ZNF804A: variants seen among roughly 807,000 people sequenced by gnomAD.
ZNF804A encodes zinc finger protein 804A.
In ZNF804A, 2 loss-of-function variants were observed where a neutral mutation model predicts 16.5. The observed-to-expected ratio is 0.12, with a 90% CI of 0.05 to 0.38. ZNF804A has a LOEUF of 0.38. Among genes scored for constraint, ZNF804A ranks in the 10% least tolerant of loss-of-function variants. The pLI is 0.99. For synonymous variants in ZNF804A, 534 were observed against 489.6 expected, an observed-to-expected ratio of 1.09 and a Z score of -1.20; for missense variants, 1,473 against 1,390.7, an observed-to-expected ratio of 1.06 and a Z score of -0.94.
At chr2:184,914,354 CTA>C (rs1685413833) in intron 2 of ZNF804A, among the ~76,000 whole-genome samples, 1 of 152,094 alleles carries the variant, frequency 6.6e-6, no homozygotes, top group Admixed American at 6.6e-5. Flanking sequence ...CCCTCAAGAA[CTA>C]ATACATGTTG....
chr2:184,903,543 T>C (rs1264706957), intron 2 of ZNF804A, among the ~76,000 whole-genome samples: 2 of 152,110 alleles, frequency 1.3e-5, no homozygotes, highest in African/African-American at 4.8e-5. Context: ...AGTGACAAAA[T>C]CACCTAACAA....
intron 1 of ZNF804A, among the ~76,000 whole-genome samples, chr2:184,709,074 T>C (rs1197675229): frequency 6.6e-6 from 1 of 152,174 alleles, no homozygotes; most frequent in Non-Finnish European, 1.5e-5. Flanking sequence ...ATTACTTCAG[T>C]GATTCTACCT....
chr2:184,687,789 C>A (rs1479100953), intron 1 of ZNF804A, among the ~76,000 whole-genome samples: 1 of 151,952 alleles, frequency 6.6e-6, no homozygotes, highest in East Asian at 1.9e-4. Flanking sequence ...GTATATTTTA[C>A]CACAATAAAA....
chr2:184,608,214 G>A lies in ZNF804A; in HGVS notation c.111+9144G>A, dbSNP rs998157782. ...CCCGCCTCGGCTTCCCAAAGTGCTG[G>A]GATTACAGGCGTGAGCCACCGCGCC... On this transcript the variant is annotated intron_variant, in intron 1 of 3. Transcript: ENST00000302277. Among the ~76,000 whole-genome samples the A allele has an allele frequency of 4.6e-5, 7 of 152,024 alleles. No homozygotes were observed. In the East Asian group the frequency reaches 1.4e-3, roughly 29 times the overall value.
At chr2:184,857,657 C>T (rs1404035346) in intron 1 of ZNF804A, among the ~76,000 whole-genome samples, 5 of 152,114 alleles carry the variant, frequency 3.3e-5, no homozygotes, top group African/African-American at 1.2e-4. Flanking sequence ...TTACACACTA[C>T]AATATTTATA....
At chr2:184,796,771 A>C (rs72621839) in intron 1 of ZNF804A, among the ~76,000 whole-genome samples, 3 of 152,118 alleles carry the variant, frequency 2.0e-5, no homozygotes, top group African/African-American at 7.2e-5. Flanking sequence ...TAGGGCTATG[A>C]ACTTTCCCCT....
chr2:184,709,422 A>G (rs959894718), intron 1 of ZNF804A, among the ~76,000 whole-genome samples: 5 of 152,050 alleles, frequency 3.3e-5, no homozygotes, highest in Non-Finnish European at 7.4e-5. Context: ...TATCTATCTA[A>G]TACTTCTGAT....
At chr2:184,636,532 T>G (rs1385465192) in intron 1 of ZNF804A, among the ~76,000 whole-genome samples, 1 of 130,154 alleles carries the variant, frequency 7.7e-6, no homozygotes, top group Non-Finnish European at 1.6e-5. Flanking sequence ...ACAAAGCATG[T>G]GAGATTGGCT....
intron 2 of ZNF804A, among the ~76,000 whole-genome samples, chr2:184,874,005 A>G (rs1696014994): frequency 1.3e-5 from 2 of 152,208 alleles, no homozygotes; most frequent in Non-Finnish European, 2.9e-5. Context: ...TAATTAGGAT[A>G]TAATCACAAA....
At chr2:184,607,858 C>G (rs1364529039) in intron 1 of ZNF804A, among the ~76,000 whole-genome samples, 2 of 149,334 alleles carry the variant, frequency 1.3e-5, no homozygotes, top group East Asian at 2.0e-4. Flanking sequence ...GGACACAACT[C>G]TAGTTGAACC....
Position 184,938,999 on chromosome 2 carries a change from T to G in ZNF804A, c.3603T>G (p.Thr1201=). 3.7e-6 allele frequency: 6 copies of G among 1,613,918 alleles called. No individual in the cohort carries two copies. The highest frequency in any genetic ancestry group is 5.1e-6 in the Non-Finnish European group (6 of 1,179,892). Residue 1201 remains threonine (T), a synonymous_variant, in exon 4 of 4, where the codon ACT becomes ACG. Coordinates refer to ENST00000302277, the MANE Select transcript of ZNF804A (RefSeq NM_194250.2). The part of the protein sequence containing the change: ...LFPSLLSPHP[T]VIPLQPLF ...CTTCACTGCTTTCCCCACACCCTACTGTCATCCCTTTGCAACCTCTCTTCT... is the reference window on the plus strand; with the variant it reads ...CTTCACTGCTTTCCCCACACCCTACGGTCATCCCTTTGCAACCTCTCTTCT...
chr2:184,778,303 A>G (rs563929164), intron 1 of ZNF804A, among the ~76,000 whole-genome samples: 46 of 151,776 alleles, frequency 3.0e-4, no homozygotes, highest in African/African-American at 9.9e-4. Flanking sequence ...GATCCTGGGC[A>G]TAGAAAATTT....
chr2:184,780,633 G>C (rs1558959612), intron 1 of ZNF804A, among the ~76,000 whole-genome samples: 1 of 151,740 alleles, frequency 6.6e-6, no homozygotes, highest in Non-Finnish European at 1.5e-5. Flanking sequence ...AAACTCTGGG[G>C]CAAGGTTTTT....
intron 2 of ZNF804A, among the ~76,000 whole-genome samples, chr2:184,880,966 A>T (rs1684801355): frequency 6.6e-6 from 1 of 152,256 alleles, no homozygotes; most frequent in South Asian, 2.1e-4. Flanking sequence ...AAGAATGAAG[A>T]TCATCGACAT....
intron 1 of ZNF804A, among the ~76,000 whole-genome samples, chr2:184,645,988 T>C (rs181351751): frequency 6.6e-6 from 1 of 152,234 alleles, no homozygotes; most frequent in Admixed American, 6.5e-5. Flanking sequence ...TTTTCTCAAG[T>C]CCTGGAGTGA....
intron 1 of ZNF804A, among the ~76,000 whole-genome samples, chr2:184,693,151 A>G (rs1692761528): frequency 6.6e-6 from 1 of 152,172 alleles, no homozygotes; most frequent in Non-Finnish European, 1.5e-5. Flanking sequence ...AAACCTGTGT[A>G]CTAAAATGCA....
intron 1 of ZNF804A, among the ~76,000 whole-genome samples, chr2:184,858,453 G>A (rs1367424259): frequency 3.3e-5 from 5 of 149,512 alleles, no homozygotes; most frequent in African/African-American, 7.4e-5. Flanking sequence ...GCAGTGAGCC[G>A]AGATCGCGCC....
chr2:184,935,692 A>G, intron 3 of ZNF804A, 91 bp from the exon 4 acceptor site: 1 of 1,405,380 alleles, frequency 7.1e-7, no homozygotes, highest in Non-Finnish European at 9.4e-7. Context: ...TTGAAAAAAT[A>G]TTATAATGAC....
chr2:184,763,496 C>A (rs1023383237), intron 1 of ZNF804A, among the ~76,000 whole-genome samples: 1 of 151,794 alleles, frequency 6.6e-6, no homozygotes, highest in Non-Finnish European at 1.5e-5. Flanking sequence ...CTTTCCAAAC[C>A]ATCTCAAGTT....
Sources: allele counts gnomAD v4.1 joint callset (sites outside exome capture counted in the v4.1 genomes callset), GRCh38; gene constraint gnomAD v4.1.1; transcripts MANE v1.5; gene names NCBI Gene and HGNC (gene_info 2026-07-23, HGNC 2026-07-21).